SCUBE1: variants seen among roughly 807,000 people sequenced by gnomAD.
The protein encoded by SCUBE1 is signal peptide, CUB domain and EGF like domain containing 1, also known as signal peptide, CUB and EGF-like domain-containing protein 1.
SCUBE1 carries 59 observed loss-of-function variants against 124.4 expected under a neutral mutation model. The ratio of observed to expected loss-of-function variants is 0.47; its 90% CI spans 0.38 to 0.59. SCUBE1 has a LOEUF of 0.59. Among genes scored for constraint, SCUBE1 ranks in the 20% least tolerant of loss-of-function variants. The pLI is 0.00. For synonymous variants in SCUBE1, 545 were observed against 550.9 expected (o/e 0.99, Z 0.15); for missense variants, 1,150 against 1,371.2 (o/e 0.84, Z 2.55).
intron 4 of SCUBE1, among the ~76,000 whole-genome samples, chr22:43,273,561 C>CTTTTTTTTTTTTTTTTTTTTTTTTTT (rs1056252584): frequency 4.9e-5 from 3 of 60,972 alleles, no homozygotes; most frequent in African/African-American, 2.0e-4. Flanking sequence ...CTAAAACCCT[C>CTTTTTTTTTTTTTTTTTTTTTTTTTT]TTTTTTTTTT....
At chr22:43,229,315 C>A in intron 8 of SCUBE1, 127 bp from the exon 9 acceptor site, 1 of 693,494 alleles carries the variant, frequency 1.4e-6, no homozygotes, top group Non-Finnish European at 2.6e-6. Context: ...AGGCGCAGCA[C>A]AGCACCGACC....
chr22:43,243,121 T>C (rs1923073578), intron 6 of SCUBE1, among the ~76,000 whole-genome samples: 1 of 152,236 alleles, frequency 6.6e-6, no homozygotes, highest in Non-Finnish European at 1.5e-5. Flanking sequence ...CCCTAGAAGC[T>C]GGCCGTGTTC....
chr22:43,220,578 T>A lies in SCUBE1; in HGVS notation c.1559A>T (p.His520Leu). 1 of 1,613,798 alleles carries A rather than the reference T, an allele frequency of 6.2e-7. No individual in the cohort carries two copies. Among genetic ancestry groups the A allele is most frequent in the South Asian group, 1.1e-5 (1 of 91,074 alleles). ...TARQPLLDHC[H>L]VTFVTLKCDS... ...ACACTTGAGGGTCACGAAAGTCACA[T>A]GGCAGTGGTCTGGACGAGGAAAGGA... is the stretch of plus-strand genomic sequence containing the variant. The change falls in exon 14 of 22, where the codon CAT becomes CTT. Residue 520 changes from histidine to leucine, a missense_variant. Around this residue, in one of 3 missense-constraint regions of SCUBE1, gnomAD observed 757 missense variants for 840.9 expected, o/e 0.90. Transcript: ENST00000360835.
chr22:43,232,776 G>A (rs370337862), intron 7 of SCUBE1, among the ~76,000 whole-genome samples: 1 of 152,196 alleles, frequency 6.6e-6, no homozygotes, highest in Non-Finnish European at 1.5e-5. Flanking sequence ...CCTCACAGAT[G>A]TCTTCCTCAC....
In SCUBE1 at chr22:43,211,347, A is replaced by G. The variant is rs1207529105; in HGVS notation, c.2222-264T>C. On this transcript the variant is annotated intron_variant, in intron 17 of 21. Transcript: ENST00000360835. The surrounding 1 kb of genome is among the most constrained non-coding windows in gnomAD (Gnocchi z 4.5). ...CACACAGGCCACCTTGATGGGAGCC[A>G]TTTTCAGGGAGAGCGGGGGCGATGA... Among the ~76,000 whole-genome samples, 1 of 151,900 alleles carries G rather than the reference A, an allele frequency of 6.6e-6. No individual in the cohort carries two copies. The highest frequency in any genetic ancestry group is 1.5e-5 in the Non-Finnish European group (1 of 67,974).
chr22:43,288,361 C>A (rs537668877), intron 4 of SCUBE1, among the ~76,000 whole-genome samples: 1 of 152,054 alleles, frequency 6.6e-6, no homozygotes, highest in Non-Finnish European at 1.5e-5. Context: ...CCCAGATGGC[C>A]TCCCCTCTCC....
chr22:43,200,187 G>A lies in SCUBE1; in HGVS notation c.*3810C>T, dbSNP rs573477203. The A allele has an allele frequency of 1.3e-5, 2 of 152,390 alleles. No individual in the cohort carries two copies. Among genetic ancestry groups the A allele is most frequent in the South Asian group, 4.1e-4 (2 of 4,836 alleles). 9.4% of individuals were successfully genotyped at this position (152,390 alleles called of 1,614,324 possible). ...CCAAGCTCAGAGGAGCCTGGAGACC[G>A]GGCAGGCGCCTCCGTCCCGGCCAGA... On this transcript the variant is annotated 3_prime_UTR_variant, in exon 22 of 22. Transcript: ENST00000360835.
chr22:43,234,237 C>T lies in SCUBE1; in HGVS notation c.845-2362G>A, dbSNP rs954047765. 6.6e-6 allele frequency among the ~76,000 whole-genome samples: 1 copy of T among 152,210 alleles called. No homozygotes were observed. Among genetic ancestry groups the T allele is most frequent in the African/African-American group, 2.4e-5 (1 of 41,450 alleles). On this transcript the variant is annotated intron_variant, in intron 7 of 21. Transcript: ENST00000360835. This position sits in a 1 kb window ranked among gnomAD's most constrained non-coding sequence, Gnocchi z 4.4. Reference sequence around the variant, plus strand: ...ACAGAGGCCCATCTTGACTCTGCCTCAGTTGGCTGTGTGATGCTGGGCAGG... The same window carrying T: ...ACAGAGGCCCATCTTGACTCTGCCTTAGTTGGCTGTGTGATGCTGGGCAGG...
Position 43,212,685 on chromosome 22 carries a change from G to T in SCUBE1, c.2054-93C>A. The T allele has an allele frequency of 5.1e-6, 7 of 1,385,806 alleles. No homozygotes were observed. In the South Asian group the frequency reaches 9.2e-5, roughly 18 times the overall value. The allele number at this position is 1,385,806 out of a possible 1,614,324, so 85.8% of individuals were successfully genotyped here. On this transcript the variant is annotated intron_variant, in intron 16 of 21. Coordinates refer to ENST00000360835, the MANE Select transcript of SCUBE1 (RefSeq NM_173050.5). The stretch of plus-strand genomic sequence containing the variant: ...CAGGCCCCGCTCTTGGCCCTTGCCC[G>T]GCCCTGGAAAAGGTACTGGGCACCC...
At chr22:43,263,936 C>T (rs902661405) in intron 4 of SCUBE1, among the ~76,000 whole-genome samples, 1 of 152,214 alleles carries the variant, frequency 6.6e-6, no homozygotes, top group Non-Finnish European at 1.5e-5. Context: ...ACGGAAAGAC[C>T]CTTTCCGCTG....
chr22:43,235,466 T>A (rs1601817767), intron 7 of SCUBE1, among the ~76,000 whole-genome samples: 1 of 151,922 alleles, frequency 6.6e-6, no homozygotes, highest in African/African-American at 2.4e-5. Flanking sequence ...GCTGGCCAGG[T>A]GGCGGTCACT....
chr22:43,261,916 G>C (rs1923886185), intron 5 of SCUBE1, among the ~76,000 whole-genome samples: 1 of 152,190 alleles, frequency 6.6e-6, no homozygotes, highest in Non-Finnish European at 1.5e-5. Context: ...CCACGTAGCT[G>C]TGGGGAGGAT....
Position 43,210,674 on chromosome 22 carries a change from G to C in SCUBE1, c.2383+248C>G, listed in dbSNP as rs1308822401. 1.3e-5 allele frequency among the ~76,000 whole-genome samples: 2 copies of C among 152,218 alleles called. No homozygotes were observed. Among genetic ancestry groups the C allele is most frequent in the Non-Finnish European group, 2.9e-5 (2 of 68,028 alleles). ...CAGGGCAGAGGCTTGGGCTGTGTTGGGTGAGCAGTGGGAACTGATGAACGA... is the reference window on the plus strand; with the variant it reads ...CAGGGCAGAGGCTTGGGCTGTGTTGCGTGAGCAGTGGGAACTGATGAACGA... On this transcript the variant is annotated intron_variant, in intron 18 of 21. Transcript: ENST00000360835. This position sits in a 1 kb window ranked among gnomAD's most constrained non-coding sequence, Gnocchi z 4.5.
intron 1 of SCUBE1, among the ~76,000 whole-genome samples, chr22:43,342,189 A>T (rs1927339676): frequency 8.3e-6 from 1 of 121,106 alleles, no homozygotes; most frequent in Admixed American, 1.2e-4. Flanking sequence ...TCTGATGACG[A>T]GGAGGGGAGA....
Position 43,231,856 on chromosome 22 carries a change from G to T in SCUBE1, c.864C>A (p.Val288=). The stretch of plus-strand genomic sequence containing the variant: ...AGAAGTGGTCGCAGCCTCCGTTGTT[G>T]ACCAGGCACTCGTTGATGTCTGTGG... ...KTCKDINECL[V]NNGGCDHFCR... The change falls in exon 8 of 22, where the codon GTC becomes GTA. Residue 288 remains valine (V), a synonymous_variant. Transcript: ENST00000360835. The T allele has an allele frequency of 6.2e-7, 1 of 1,613,620 alleles. No homozygotes were observed. Among genetic ancestry groups the T allele is most frequent in the South Asian group, 1.1e-5 (1 of 91,062 alleles).
intron 4 of SCUBE1, among the ~76,000 whole-genome samples, chr22:43,266,171 AGGAG>A (rs1362677854): frequency 3.9e-5 from 6 of 152,140 alleles, no homozygotes; most frequent in Non-Finnish European, 7.4e-5. Flanking sequence ...TTCCAGAACA[AGGAG>A]GGTGCCCTGA....
At chr22:43,252,122 C>T (rs549508590) in intron 6 of SCUBE1, among the ~76,000 whole-genome samples, 4 of 152,234 alleles carry the variant, frequency 2.6e-5, no homozygotes, top group Non-Finnish European at 4.4e-5. Flanking sequence ...ATACTTACTC[C>T]GTTCTTCACC....
chr22:43,278,734 G>C (rs1924637371), intron 4 of SCUBE1, among the ~76,000 whole-genome samples: 3 of 152,308 alleles, frequency 2.0e-5, no homozygotes, highest in African/African-American at 7.2e-5. Flanking sequence ...TGATCCTGAA[G>C]TCCTGCCCCC....
Position 43,265,701 on chromosome 22 carries a change from C to T in SCUBE1, c.485-2856G>A, listed in dbSNP as rs143743732. ...CTGACAATTATAAAGGAGCCCAAATCGCTCTGATGGACGTGTTTATGTGTT... is the reference window on the plus strand; with the variant it reads ...CTGACAATTATAAAGGAGCCCAAATTGCTCTGATGGACGTGTTTATGTGTT... On this transcript the variant is annotated intron_variant, in intron 4 of 21. Transcript: ENST00000360835. Among the ~76,000 whole-genome samples, 707 of 152,344 alleles carry T rather than the reference C, an allele frequency of 4.6e-3. 13 individuals are homozygous for T. Among genetic ancestry groups the T allele is most frequent in the African/African-American group, 0.017 (689 of 41,562 alleles).
Sources: gnomAD v4.1 joint callset for allele counts (sites outside exome capture counted in the v4.1 genomes callset) on GRCh38, gnomAD v4.1.1 for gene constraint, gnomAD v4.1.1 regional missense constraint, Gnocchi (gnomAD v3.1) non-coding constraint, MANE v1.5 for transcripts, NCBI Gene and HGNC (gene_info 2026-07-23, HGNC 2026-07-21) for gene names.